MORC1: variants seen among roughly 807,000 people sequenced by gnomAD.
MORC1 encodes the protein MORC family CW-type zinc finger 1.
Under a neutral mutation model 134.9 loss-of-function variants are expected in MORC1, and 59 were observed. The ratio of observed to expected loss-of-function variants is 0.44; its 90% CI spans 0.35 to 0.54. The LOEUF is 0.54. MORC1 is among the 20% of genes least tolerant of loss of function. The pLI, the probability that MORC1 is intolerant of heterozygous loss-of-function variation, is 0.00. For missense variants in MORC1, 947 were observed against 1,134.5 expected, an observed-to-expected ratio of 0.83 and a Z score of 2.37; for synonymous variants, 395 against 391.7, an observed-to-expected ratio of 1.01 and a Z score of -0.10.
Position 109,113,322 on chromosome 3 carries a change from T to C in MORC1, c.119+1062A>G, listed in dbSNP as rs1273233515. Among the ~76,000 whole-genome samples the C allele has an allele frequency of 1.3e-5, 2 of 152,218 alleles. 1 individual carries two copies. The highest frequency in any genetic ancestry group is 2.9e-5 in the Non-Finnish European group (2 of 68,038). ...TCTCTACTTCCCTCCCTTTTTATGA[T>C]TCCATTAGCTCAACAGAGAGAGTTT... On this transcript the variant is annotated intron_variant, in intron 2 of 27. Coordinates refer to ENST00000232603, the MANE Select transcript of MORC1 (RefSeq NM_014429.4).
intron 17 of MORC1, among the ~76,000 whole-genome samples, chr3:109,021,994 T>G (rs35361127): frequency 0.054 from 8,184 of 152,232 alleles, 515 homozygotes; most frequent in African/African-American, 0.15. Context: ...ACACAGGGCA[T>G]AGGACCCACA....
At chr3:109,047,842 T>C (rs2107652325) in intron 14 of MORC1, among the ~76,000 whole-genome samples, 1 of 152,284 alleles carries the variant, frequency 6.6e-6, no homozygotes, top group African/African-American at 2.4e-5. Context: ...CTTATAGAAG[T>C]ATTAGAGCTG....
chr3:109,068,449 C>T (rs1254473326), intron 9 of MORC1, among the ~76,000 whole-genome samples: 1 of 152,170 alleles, frequency 6.6e-6, no homozygotes, highest in Admixed American at 6.5e-5. Flanking sequence ...TCAGTGAGAA[C>T]ATAAGATATT....
At chr3:109,043,249 C>T (rs1200744278) in intron 14 of MORC1, among the ~76,000 whole-genome samples, 1 of 147,446 alleles carries the variant, frequency 6.8e-6, no homozygotes, top group African/African-American at 2.5e-5. Context: ...GGGAATTTGA[C>T]ATATGCTATA....
chr3:108,994,519 A>G (rs1320083490), intron 21 of MORC1, among the ~76,000 whole-genome samples: 1 of 152,202 alleles, frequency 6.6e-6, no homozygotes, highest in African/African-American at 2.4e-5. Context: ...AACATTCAGA[A>G]TAGTAACTGA....
At chr3:108,973,594 G>GTTTT (rs1559863612) in intron 24 of MORC1, among the ~76,000 whole-genome samples, 2 of 123,412 alleles carry the variant, frequency 1.6e-5, no homozygotes, top group African/African-American at 5.9e-5. Context: ...GCTTTGTTTT[G>GTTTT]GTTTTTTTTT....
chr3:109,042,687 C>T (rs1377400240), intron 14 of MORC1, among the ~76,000 whole-genome samples: 1 of 152,110 alleles, frequency 6.6e-6, no homozygotes, highest in East Asian at 1.9e-4. Flanking sequence ...ATCTACATGT[C>T]CATCAATAGA....
At chr3:109,085,201 T>C (rs1950594834) in intron 8 of MORC1, among the ~76,000 whole-genome samples, 2 of 151,796 alleles carry the variant, frequency 1.3e-5, no homozygotes, top group African/African-American at 2.4e-5. Flanking sequence ...TCTGTGTATG[T>C]GTCTGTGTGT....
At chr3:109,021,148 T>C (rs1465644599) in intron 17 of MORC1, among the ~76,000 whole-genome samples, 1 of 152,160 alleles carries the variant, frequency 6.6e-6, no homozygotes, top group Non-Finnish European at 1.5e-5. Context: ...TATCTTACTC[T>C]GAGCACAGTC....
At position 108,959,115 on chromosome 3, in the gene MORC1, A is replaced by G; in HGVS notation, c.2805T>C (p.Gly935=). The change falls in exon 28 of 28, where the codon GGT becomes GGC. Residue 935 remains glycine (G), a synonymous_variant. Coordinates refer to ENST00000232603, the MANE Select transcript of MORC1 (RefSeq NM_014429.4). Reference sequence around the variant, plus strand: ...CAGTCTGCTCCAGGTCACCTTCTGGACCACCCTGGAAAAGAGAAGCAACAG... The same window carrying G: ...CAGTCTGCTCCAGGTCACCTTCTGGGCCACCCTGGAAAAGAGAAGCAACAG... ...ALLLQKLQLG[G]PEGDLEQTDT... is the part of the protein sequence containing the mutation. 1.3e-6 allele frequency: 2 copies of G among 1,576,220 alleles called. No individual in the cohort carries two copies. The highest frequency in any genetic ancestry group is 2.4e-5 in the East Asian group (1 of 42,172).
intron 21 of MORC1, among the ~76,000 whole-genome samples, chr3:108,989,067 T>C (rs1360987823): frequency 6.6e-6 from 1 of 151,886 alleles, no homozygotes; most frequent in African/African-American, 2.4e-5. Context: ...AATAACATTG[T>C]GTAAATCTGA....
At chr3:109,031,327 T>G (rs1472637411) in intron 16 of MORC1, among the ~76,000 whole-genome samples, 35 of 152,176 alleles carry the variant, frequency 2.3e-4, no homozygotes, top group Non-Finnish European at 7.4e-5. Flanking sequence ...ATCCTATAAT[T>G]ATACCACATT....
At chr3:109,108,084 A>G (rs1951076828) in intron 3 of MORC1, among the ~76,000 whole-genome samples, 2 of 152,052 alleles carry the variant, frequency 1.3e-5, no homozygotes, top group African/African-American at 4.8e-5. Context: ...AGCTACTGGA[A>G]AGGCAGAGGC....
intron 14 of MORC1, among the ~76,000 whole-genome samples, chr3:109,039,068 C>T (rs759712253): frequency 7.2e-5 from 11 of 152,110 alleles, no homozygotes; most frequent in Non-Finnish European, 1.3e-4. Context: ...AGGTGTGAAG[C>T]ATAATGCCTG....
At chr3:109,013,315 A>T (rs1948742040) in intron 17 of MORC1, among the ~76,000 whole-genome samples, 1 of 152,160 alleles carries the variant, frequency 6.6e-6, no homozygotes. Context: ...TTCCAGGACC[A>T]GCTCTTTGCC....
At chr3:109,024,487 C>T (rs1391298020) in intron 17 of MORC1, among the ~76,000 whole-genome samples, 1 of 152,048 alleles carries the variant, frequency 6.6e-6, no homozygotes, top group African/African-American at 2.4e-5. Flanking sequence ...CATTAGATAC[C>T]CATAGAACCT....
intron 24 of MORC1, among the ~76,000 whole-genome samples, chr3:108,972,827 T>C (rs1947428498): frequency 6.6e-6 from 1 of 152,238 alleles, no homozygotes; most frequent in African/African-American, 2.4e-5. Context: ...ATTGTGAGTA[T>C]AAATTCTTTT....
At chr3:109,044,722 C>T (rs544036503) in intron 14 of MORC1, among the ~76,000 whole-genome samples, 74 of 151,858 alleles carry the variant, frequency 4.9e-4, no homozygotes, top group African/African-American at 1.7e-3. Flanking sequence ...AGGTGAGCAG[C>T]TCATTCAAGG....
chr3:109,076,612 T>C (rs1950427640), intron 8 of MORC1, among the ~76,000 whole-genome samples: 1 of 151,882 alleles, frequency 6.6e-6, no homozygotes, highest in South Asian at 2.1e-4. Flanking sequence ...ATAAAGAAAA[T>C]GTGGCACATA....
Sources: gnomAD v4.1 joint callset for allele counts (sites outside exome capture counted in the v4.1 genomes callset) on GRCh38, gnomAD v4.1.1 for gene constraint, MANE v1.5 for transcripts, NCBI Gene and HGNC (gene_info 2026-07-23, HGNC 2026-07-21) for gene names.